PANX3: variants seen among roughly 807,000 people sequenced by gnomAD.
The protein encoded by PANX3 is pannexin 3.
A neutral mutation model predicts 31.5 loss-of-function variants in PANX3; 18 were observed. The ratio of observed to expected loss-of-function variants is 0.57; its 90% CI spans 0.39 to 0.85. The LOEUF (loss-of-function observed/expected upper bound fraction) is 0.85. PANX3 is among the 40% of genes least tolerant of loss of function. The probability of loss-of-function intolerance (pLI) is 0.00; values close to 1 mark genes in which losing one functional copy is unlikely to be tolerated. For synonymous variants in PANX3, 194 were observed against 201.6 expected (o/e 0.96, Z 0.32); for missense variants, 426 against 485.4 (o/e 0.88, Z 1.15).
In PANX3 at chr11:124,613,038, G is replaced by A. The variant is rs1490546912; in HGVS notation, c.240G>A (p.Val80=). ...SNFSIRQAAY[V]DSSCWDSLLH... ...TCAGCATCCGGCAGGCAGCCTACGT[G>A]GACAGCTCCTGCTGGGACTCACTGC... The change falls in exon 2 of 4, where the codon GTG becomes GTA. Residue 80 remains valine (V), a synonymous_variant. Transcript: ENST00000284288. The A allele has an allele frequency of 6.2e-7, 1 of 1,614,118 alleles. No individual in the cohort carries two copies. Among genetic ancestry groups the A allele is most frequent in the Admixed American group, 1.7e-5 (1 of 60,026 alleles).
rs748822967 is a variant in PANX3 at position 124,617,347 on chromosome 11, T to A, written c.398T>A (p.Val133Glu). 4 of 1,612,988 alleles carry A rather than the reference T, an allele frequency of 2.5e-6. No homozygotes were observed. Among genetic ancestry groups the A allele is most frequent in the Non-Finnish European group, 3.4e-6 (4 of 1,180,022 alleles). Reference sequence around the variant, plus strand: ...GTGCTGCTGTGGCAGTATGCAGCTGTGCCAGCCCTCAGCTCCGATCTGCTG... The same window carrying A: ...GTGCTGCTGTGGCAGTATGCAGCTGAGCCAGCCCTCAGCTCCGATCTGCTG... ...LPVLLWQYAA[V>E]PALSSDLLFI... Residue 133 changes from valine to glutamate, a missense_variant, in exon 3 of 4, where the codon GTG becomes GAG. Coordinates refer to ENST00000284288, the MANE Select transcript of PANX3 (RefSeq NM_052959.3).
intron 3 of PANX3, among the ~76,000 whole-genome samples, chr11:124,618,034 C>T (rs1348513464): frequency 6.6e-6 from 1 of 152,220 alleles, no homozygotes; most frequent in Non-Finnish European, 1.5e-5. Context: ...TGTACCTACC[C>T]ATGTGGGGCT....
chr11:124,619,847 C>T lies in PANX3; in HGVS notation c.1091C>T (p.Thr364Ile). The T allele has an allele frequency of 2.5e-6, 4 of 1,614,104 alleles. No individual in the cohort carries two copies. Among genetic ancestry groups the T allele is most frequent in the Non-Finnish European group, 3.4e-6 (4 of 1,180,020 alleles). Residue 364 changes from threonine (T) to isoleucine (I), a missense_variant, in exon 4 of 4, where the codon ACA becomes ATA. Physicochemically the swap from Thr to Ile is moderately conservative, Grantham distance 89. Transcript: ENST00000284288. ...ACCACCCAGAAGCACAATATTGACA[C>T]AGTAGTTGATTTTATGACTTTATTG... ...DTTTQKHNID[T>I]VVDFMTLLAG...
intron 2 of PANX3, among the ~76,000 whole-genome samples, chr11:124,614,440 G>T (rs1443484319): frequency 6.6e-6 from 1 of 151,684 alleles, no homozygotes; most frequent in African/African-American, 2.4e-5. Context: ...GCTAATTTTT[G>T]TATTTTTAGT....
At chr11:124,613,450 A>G (rs1025781251) in intron 2 of PANX3, among the ~76,000 whole-genome samples, 2 of 152,156 alleles carry the variant, frequency 1.3e-5, no homozygotes, top group Non-Finnish European at 2.9e-5. Flanking sequence ...AGAGTCATTC[A>G]AACCTTAATT....
intron 2 of PANX3, among the ~76,000 whole-genome samples, chr11:124,615,081 C>T (rs1863138048): frequency 1.3e-5 from 2 of 151,622 alleles, no homozygotes; most frequent in Admixed American, 6.6e-5. Context: ...CAAACACACA[C>T]CTTTCTTTTC....
intron 1 of PANX3, 141 bp from the exon 2 acceptor site, chr11:124,612,839 T>C (rs1478852965): frequency 2.0e-6 from 2 of 1,012,896 alleles, no homozygotes; most frequent in Non-Finnish European, 1.4e-6. Flanking sequence ...GACATGGCAG[T>C]GCTCAACCCA....
chr11:124,619,579 T>C lies in PANX3; in HGVS notation c.823T>C (p.Ser275Pro). The C allele has an allele frequency of 6.2e-7, 1 of 1,614,172 alleles. No homozygotes were observed. Reference protein sequence around the residue: ...SLSIFQIVSLSSVAIYTILVP... With the variant: ...SLSIFQIVSLPSVAIYTILVP... The stretch of plus-strand genomic sequence containing the variant: ...GTCCATTTTCCAGATTGTTAGCCTC[T>C]CCAGTGTAGCAATATACACCATATT... Residue 275 changes from serine (S) to proline (P), a missense_variant, in exon 4 of 4, where the codon TCC (serine) becomes CCC (proline). Transcript: ENST00000284288.
intron 2 of PANX3, among the ~76,000 whole-genome samples, chr11:124,614,732 A>G (rs1169014023): frequency 7.5e-6 from 1 of 132,760 alleles, no homozygotes; most frequent in Non-Finnish European, 1.5e-5. Context: ...GCTGGAGTGC[A>G]ATGGCACGAT....
At position 124,617,385 on chromosome 11, in the gene PANX3, G is replaced by C; in HGVS notation, c.436G>C (p.Glu146Gln). ...CTCCGATCTGCTGTTCATCATCAGC[G>C]AACTGGACAAATCTTATAATCGCTC... The part of the protein sequence containing the change: ...LSSDLLFIIS[E>Q]LDKSYNRSIR... Residue 146 changes from glutamate to glutamine, a missense_variant, in exon 3 of 4, where the codon GAA (glutamate) becomes CAA (glutamine). Coordinates refer to ENST00000284288, the MANE Select transcript of PANX3 (RefSeq NM_052959.3). The C allele has an allele frequency of 1.2e-6, 2 of 1,613,994 alleles. No homozygotes were observed. Among genetic ancestry groups the C allele is most frequent in the Middle Eastern group, 1.6e-4 (1 of 6,062 alleles).
intron 2 of PANX3, among the ~76,000 whole-genome samples, chr11:124,614,543 C>T (rs928645545): frequency 6.6e-5 from 10 of 152,234 alleles, no homozygotes; most frequent in South Asian, 6.2e-4. Flanking sequence ...GCTGGGATTA[C>T]AGGCATAAGC....
At position 124,616,013 on chromosome 11, in the gene PANX3, CAATA is replaced by C. The variant is rs746308882; in HGVS notation, c.325-1238_325-1235del. ...TGGGCAAGAGAGCGAGACTCAATCT[CAATA>C]AATAAATAAATAAATAAATAAAAAT... On this transcript the variant is annotated intron_variant, in intron 2 of 3. Coordinates refer to ENST00000284288, the MANE Select transcript of PANX3 (RefSeq NM_052959.3). This position sits in a 1 kb window ranked among gnomAD's most constrained non-coding sequence, Gnocchi z 4.8. Among the ~76,000 whole-genome samples the C allele has an allele frequency of 1.3e-5, 2 of 151,800 alleles. No homozygotes were observed. Among genetic ancestry groups the C allele is most frequent in the Admixed American group, 6.6e-5 (1 of 15,232 alleles).
intron 3 of PANX3, among the ~76,000 whole-genome samples, chr11:124,618,409 T>C (rs1386299266): frequency 6.6e-6 from 1 of 152,230 alleles, no homozygotes; most frequent in Admixed American, 6.5e-5. Flanking sequence ...GTGGTTTGTG[T>C]CCACTATTTT....
chr11:124,613,232 T>C (rs1014250620), intron 2 of PANX3, 110 bp downstream of exon 2: 7 of 1,315,942 alleles, frequency 5.3e-6, no homozygotes, highest in Non-Finnish European at 4.0e-6. Flanking sequence ...CCCATTTATT[T>C]TGGTCACTTA....
intron 3 of PANX3, among the ~76,000 whole-genome samples, chr11:124,618,380 C>T (rs951880172): frequency 2.0e-5 from 3 of 152,200 alleles, no homozygotes; most frequent in Non-Finnish European, 4.4e-5. Context: ...ACCTCCCTCT[C>T]CTAACTTTTA....
At chr11:124,618,387 T>G (rs1311621854) in intron 3 of PANX3, among the ~76,000 whole-genome samples, 1 of 152,162 alleles carries the variant, frequency 6.6e-6, no homozygotes, top group Non-Finnish European at 1.5e-5. Flanking sequence ...TCTCCTAACT[T>G]TTACAGCCAC....
At position 124,617,461 on chromosome 11, in the gene PANX3, C is replaced by G. The variant is rs902045941; in HGVS notation, c.512C>G (p.Pro171Arg). Reference protein sequence around the residue: ...MLKIRQKSSDPYVFWNELEKA... With the variant: ...MLKIRQKSSDRYVFWNELEKA... ...AAGATCCGGCAGAAGAGTTCCGACC[C>G]CTATGTGTTCTGGAATGAGCTGGAG... Residue 171 changes from proline to arginine, a missense_variant, in exon 3 of 4, where the codon CCC (proline) becomes CGC (arginine). Coordinates refer to ENST00000284288, the MANE Select transcript of PANX3 (RefSeq NM_052959.3). 1 of 1,614,234 alleles carries G rather than the reference C, an allele frequency of 6.2e-7. No individual in the cohort carries two copies. Among genetic ancestry groups the G allele is most frequent in the Non-Finnish European group, 8.5e-7 (1 of 1,180,048 alleles).
chr11:124,614,655 C>T (rs1285830275), intron 2 of PANX3, among the ~76,000 whole-genome samples: 3 of 145,180 alleles, frequency 2.1e-5, no homozygotes, highest in Admixed American at 2.0e-4. Flanking sequence ...GGTTTATTTT[C>T]AATAAACGCC....
chr11:124,619,506 T>A lies in PANX3; in HGVS notation c.750T>A (p.Ser250Arg), dbSNP rs538514305. Reference sequence around the variant, plus strand: ...GCTCCATCAAGACAGGGCTGCTAAGTGATGAGACCCATGTCCCCAATCTGA... The same window carrying A: ...GCTCCATCAAGACAGGGCTGCTAAGAGATGAGACCCATGTCCCCAATCTGA... Reference protein sequence around the residue: ...FSCSIKTGLLSDETHVPNLIT... With the variant: ...FSCSIKTGLLRDETHVPNLIT... The change falls in exon 4 of 4, where the codon AGT becomes AGA. Residue 250 changes from serine (S) to arginine (R), a missense_variant. By Grantham distance (110) the Ser-to-Arg change is moderately radical (BLOSUM62 -1). Coordinates refer to ENST00000284288, the MANE Select transcript of PANX3 (RefSeq NM_052959.3). 176 of 1,614,080 alleles carry A rather than the reference T, an allele frequency of 1.1e-4. 2 individuals are homozygous for A. The South Asian group carries it at 1.8e-3, about 17-fold the overall frequency.
Sources: gnomAD v4.1 joint callset for allele counts (sites outside exome capture counted in the v4.1 genomes callset) on GRCh38, gnomAD v4.1.1 for gene constraint, Gnocchi (gnomAD v3.1) non-coding constraint, MANE v1.5 for transcripts, NCBI Gene and HGNC (gene_info 2026-07-23, HGNC 2026-07-21) for gene names.